Variants in SLC10A7 observed in about 807,000 individuals in gnomAD.
SLC10A7 encodes the protein solute carrier family 10 member 7, also known as sodium/bile acid cotransporter 7.
SLC10A7 carries 29 observed loss-of-function variants against 43.2 expected under a neutral mutation model. The observed-to-expected ratio is 0.67, with a 90% CI of 0.50 to 0.92. The LOEUF is 0.92. Among genes scored for constraint, SLC10A7 ranks in the 40% least tolerant of loss-of-function variants. The probability of loss-of-function intolerance (pLI) is 0.00; values close to 1 mark genes in which losing one functional copy is unlikely to be tolerated. For missense variants in SLC10A7, 295 were observed against 403.2 expected (o/e 0.73, Z 2.30); for synonymous variants, 152 against 144.8 (o/e 1.05, Z -0.35).
intron 5 of SLC10A7, among the ~76,000 whole-genome samples, chr4:146,409,438 G>T (rs72952578): frequency 1.0e-3 from 154 of 151,732 alleles, no homozygotes; most frequent in African/African-American, 3.3e-3. Flanking sequence ...TAAAAAAACA[G>T]ATCAGTGGTT....
At chr4:146,482,407 T>A (rs1033228399) in intron 4 of SLC10A7, among the ~76,000 whole-genome samples, 19 of 152,034 alleles carry the variant, frequency 1.2e-4, no homozygotes, top group Admixed American at 5.9e-4. Context: ...AACAAATTCA[T>A]AAAGAAATAG....
At chr4:146,355,255 A>G (rs937452243) in intron 5 of SLC10A7, among the ~76,000 whole-genome samples, 5 of 152,220 alleles carry the variant, frequency 3.3e-5, no homozygotes, top group Non-Finnish European at 7.3e-5. Context: ...TCTCAAAAGA[A>G]GACATTTATG....
In SLC10A7 at chr4:146,392,310, A is replaced by G. The variant is rs188230424; in HGVS notation, c.435+50473T>C. Among the ~76,000 whole-genome samples, 637 of 152,320 alleles carry G rather than the reference A, an allele frequency of 4.2e-3. 4 individuals carry two copies. Among genetic ancestry groups the G allele is most frequent in the Admixed American group, 0.02 (312 of 15,288 alleles). ...ATACAGACTAAAAGGATTGGTAAAT[A>G]TATTCTATCTCCCTTATCTCTTAAA... On this transcript the variant is annotated intron_variant, in intron 5 of 11. Transcript: ENST00000335472.
intron 5 of SLC10A7, among the ~76,000 whole-genome samples, chr4:146,384,921 CAG>C (rs1428430830): frequency 2.6e-5 from 4 of 151,946 alleles, no homozygotes; most frequent in Non-Finnish European, 1.5e-5. Context: ...TTTTTTAAAA[CAG>C]AATAATTATA....
chr4:146,432,178 T>A (rs1461503185), intron 5 of SLC10A7, among the ~76,000 whole-genome samples: 1 of 152,172 alleles, frequency 6.6e-6, no homozygotes, highest in Admixed American at 6.5e-5. Context: ...ACTTATACAA[T>A]CCTGCTAGGA....
At chr4:146,450,710 G>A (rs562313892) in intron 4 of SLC10A7, among the ~76,000 whole-genome samples, 7 of 152,252 alleles carry the variant, frequency 4.6e-5, no homozygotes, top group African/African-American at 1.4e-4. Flanking sequence ...TCAAAGGTGG[G>A]TGTAAGGACT....
chr4:146,289,220 T>C (rs1294014454), intron 9 of SLC10A7, among the ~76,000 whole-genome samples: 1 of 152,272 alleles, frequency 6.6e-6, no homozygotes, highest in South Asian at 2.1e-4. Context: ...GTAAGAAAAC[T>C]TACCATTAAT....
intron 1 of SLC10A7, among the ~76,000 whole-genome samples, chr4:146,519,751 T>C (rs1364242596): frequency 1.3e-5 from 2 of 152,186 alleles, no homozygotes; most frequent in Non-Finnish European, 2.9e-5. Context: ...TCCTCTTCCC[T>C]AAGCTAGCTA....
In SLC10A7 at chr4:146,299,021, T is replaced by A. The variant is rs560744417; in HGVS notation, c.556-4926A>T. On this transcript the variant is annotated intron_variant, in intron 7 of 11. Transcript: ENST00000335472. ...TAAAATTCACTCTCAGAAATATAAATCACAAGTTGAATGACAAACTTTTAT... is the reference window on the plus strand; with the variant it reads ...TAAAATTCACTCTCAGAAATATAAAACACAAGTTGAATGACAAACTTTTAT... Among the ~76,000 whole-genome samples the A allele has an allele frequency of 2.1e-4, 32 of 152,256 alleles. No individual in the cohort carries two copies. In the South Asian group the frequency reaches 6.4e-3, roughly 31 times the overall value.
intron 5 of SLC10A7, among the ~76,000 whole-genome samples, chr4:146,346,111 C>A (rs1734605739): frequency 6.6e-6 from 1 of 152,122 alleles, no homozygotes; most frequent in African/African-American, 2.4e-5. Flanking sequence ...TGGGCCCAAT[C>A]TCCATTTATA....
intron 4 of SLC10A7, among the ~76,000 whole-genome samples, chr4:146,484,335 CAG>C (rs1734738606): frequency 6.6e-6 from 1 of 152,098 alleles, no homozygotes; most frequent in Admixed American, 6.5e-5. Context: ...GCCTGAGTGA[CAG>C]AGAGACACTC....
intron 4 of SLC10A7, among the ~76,000 whole-genome samples, chr4:146,449,127 C>A (rs2149907027): frequency 6.6e-6 from 1 of 152,294 alleles, no homozygotes; most frequent in South Asian, 2.1e-4. Context: ...GCATCGGATA[C>A]ACCCTGTAAG....
At position 146,254,772 on chromosome 4, in the gene SLC10A7, C is replaced by T. The variant is rs1286310471; in HGVS notation, c.*1719G>A. The T allele has an allele frequency of 2.0e-5, 3 of 152,124 alleles. No homozygotes were observed. The highest frequency in any genetic ancestry group is 4.4e-5 in the Non-Finnish European group (3 of 68,024). 9.4% of individuals were successfully genotyped at this position (152,124 alleles called of 1,614,324 possible). On this transcript the variant is annotated 3_prime_UTR_variant, in exon 12 of 12. Transcript: ENST00000335472. ...TTCAAAGAAACTTGTAGGAACAAAA[C>T]CTAAGAGCCTTCCTGTGCTCCATAG...
intron 4 of SLC10A7, among the ~76,000 whole-genome samples, chr4:146,497,607 A>G (rs997199024): frequency 1.3e-5 from 2 of 152,106 alleles, no homozygotes; most frequent in African/African-American, 4.8e-5. Context: ...TCCTTTTCTC[A>G]GCATGCAAAA....
chr4:146,516,476 G>A (rs550540448), intron 2 of SLC10A7, among the ~76,000 whole-genome samples: 51 of 143,122 alleles, frequency 3.6e-4, no homozygotes, highest in Non-Finnish European at 6.3e-4. Context: ...ATATGTATAT[G>A]TGTATATATA....
At chr4:146,361,266 T>G (rs546769200) in intron 5 of SLC10A7, among the ~76,000 whole-genome samples, 5 of 152,338 alleles carry the variant, frequency 3.3e-5, no homozygotes, top group African/African-American at 1.2e-4. Flanking sequence ...TACTTAAAGT[T>G]AAAAATGTTG....
intron 5 of SLC10A7, among the ~76,000 whole-genome samples, chr4:146,416,845 C>A (rs1482913288): frequency 6.6e-6 from 1 of 152,098 alleles, no homozygotes; most frequent in Non-Finnish European, 1.5e-5. Flanking sequence ...TACCTCAATA[C>A]CTTTGTACTT....
At position 146,416,718 on chromosome 4, in the gene SLC10A7, A is replaced by T. The variant is rs140914479; in HGVS notation, c.435+26065T>A. On this transcript the variant is annotated intron_variant, in intron 5 of 11. Coordinates refer to ENST00000335472, the MANE Select transcript of SLC10A7 (RefSeq NM_001029998.6). ...GAACTTACAAATGTCTTCCCATCTCATTTGGATTTAAAGCCAAAATCTTTT... is the reference window on the plus strand; with the variant it reads ...GAACTTACAAATGTCTTCCCATCTCTTTTGGATTTAAAGCCAAAATCTTTT... Among the ~76,000 whole-genome samples the T allele has an allele frequency of 2.2e-3, 338 of 152,308 alleles. 1 individual carries two copies. Among genetic ancestry groups the T allele is most frequent in the African/African-American group, 7.5e-3 (311 of 41,580 alleles).
At chr4:146,281,401 A>C (rs987404060) in intron 10 of SLC10A7, among the ~76,000 whole-genome samples, 2 of 152,004 alleles carry the variant, frequency 1.3e-5, no homozygotes, top group African/African-American at 4.8e-5. Flanking sequence ...AAAATCAAAA[A>C]AAAAAAAGAA....
Sources: gnomAD v4.1 joint callset for allele counts (sites outside exome capture counted in the v4.1 genomes callset) on GRCh38, gnomAD v4.1.1 for gene constraint, MANE v1.5 for transcripts, NCBI Gene and HGNC (gene_info 2026-07-23, HGNC 2026-07-21) for gene names.